OSBPL10: variants seen among roughly 807,000 people sequenced by gnomAD.
The protein encoded by OSBPL10 is oxysterol binding protein like 10.
In OSBPL10, 49 loss-of-function variants were observed where a neutral mutation model predicts 81.7. That is an observed-to-expected ratio of 0.60 (90% confidence interval 0.48 to 0.76). The LOEUF (loss-of-function observed/expected upper bound fraction) is 0.76, where lower values mean the gene tolerates loss of function less well. OSBPL10 is among the 30% of genes least tolerant of loss of function. The pLI is 0.00. For missense variants in OSBPL10, 923 were observed against 987.8 expected (o/e 0.93, Z 0.88); for synonymous variants, 419 against 383.6 (o/e 1.09, Z -1.08).
intron 5 of OSBPL10, 108 bp downstream of exon 5, chr3:31,747,802 G>A (rs1445539338): frequency 2.6e-6 from 3 of 1,164,314 alleles, no homozygotes; most frequent in African/African-American, 1.5e-5. Context: ...TATAAGGATA[G>A]ATGGATGGAT....
Position 32,005,511 on chromosome 3 carries a change from G to A in OSBPL10, n.298+40980C>T, listed in dbSNP as rs372171611. 5.4e-4 allele frequency among the ~76,000 whole-genome samples: 82 copies of A among 152,234 alleles called. 4 individuals are homozygous for A. Among genetic ancestry groups the A allele is most frequent in the Admixed American group, 3.7e-3 (57 of 15,292 alleles). On this transcript the variant is annotated intron_variant and non_coding_transcript_variant, in intron 2 of 3. Coordinates refer to the OSBPL10 transcript ENST00000479173. ...AAATAAGTCATGGGGCATATGTGACGTCCATAAGTATTGGCATACTGCTCT... is the reference window on the plus strand; with the variant it reads ...AAATAAGTCATGGGGCATATGTGACATCCATAAGTATTGGCATACTGCTCT...
At chr3:31,819,420 T>C (rs1699928049) in intron 4 of OSBPL10, among the ~76,000 whole-genome samples, 2 of 152,346 alleles carry the variant, frequency 1.3e-5, no homozygotes, top group African/African-American at 4.8e-5. Context: ...AGAGATGTAA[T>C]GTGACTTGCC....
chr3:32,033,891 T>G (rs1244457550), intron 2 of OSBPL10, among the ~76,000 whole-genome samples: 1 of 152,092 alleles, frequency 6.6e-6, no homozygotes, highest in South Asian at 2.1e-4. Context: ...AGCAAGGATA[T>G]TAGTCCATTC....
chr3:31,817,543 C>T (rs1331573665), intron 4 of OSBPL10, among the ~76,000 whole-genome samples: 3 of 106,268 alleles, frequency 2.8e-5, no homozygotes, highest in African/African-American at 6.4e-5. Flanking sequence ...GTGGGTCAGG[C>T]GGCTGCAGCT....
At chr3:31,664,339 C>G (rs1464866868) in intron 10 of OSBPL10, 107 bp from the exon 11 acceptor site, 2 of 1,173,142 alleles carry the variant, frequency 1.7e-6, no homozygotes, top group African/African-American at 1.5e-5. Flanking sequence ...CAGGCAAGCC[C>G]CCTCTGGGGT....
chr3:31,729,882 A>G (rs1696915324), intron 6 of OSBPL10, among the ~76,000 whole-genome samples: 1 of 152,158 alleles, frequency 6.6e-6, no homozygotes, highest in Admixed American at 6.5e-5. Flanking sequence ...CTGCCTCTAA[A>G]CACTCCAACC....
intron 3 of OSBPL10, among the ~76,000 whole-genome samples, chr3:31,851,286 A>G (rs1700757527): frequency 2.0e-5 from 3 of 152,206 alleles, no homozygotes; most frequent in Admixed American, 1.3e-4. Context: ...GAGAAGTCCT[A>G]AGAGAGATGT....
chr3:31,692,510 C>G (rs112069560), intron 7 of OSBPL10, among the ~76,000 whole-genome samples: 1 of 151,914 alleles, frequency 6.6e-6, no homozygotes, highest in Non-Finnish European at 1.5e-5. Flanking sequence ...GCTAAAATGA[C>G]TCACAATGCC....
At chr3:31,769,474 A>T in intron 4 of OSBPL10, among the ~76,000 whole-genome samples, 1 of 142,230 alleles carries the variant, frequency 7.0e-6, no homozygotes, top group Non-Finnish European at 1.5e-5. Context: ...AAAAAACAAA[A>T]AAAAACAGAA....
chr3:31,712,971 T>C (rs1575493581), intron 6 of OSBPL10, among the ~76,000 whole-genome samples: 6 of 152,332 alleles, frequency 3.9e-5, no homozygotes, highest in Admixed American at 3.9e-4. Context: ...CTTCTGCAAA[T>C]TATATCTAGA....
intron 4 of OSBPL10, among the ~76,000 whole-genome samples, chr3:31,828,753 G>A (rs950242001): frequency 6.6e-6 from 1 of 152,100 alleles, no homozygotes; most frequent in Admixed American, 6.5e-5. Flanking sequence ...GGCTGCTCTC[G>A]AACTCCTGAC....
chr3:31,859,529 G>A (rs113925781), intron 3 of OSBPL10, among the ~76,000 whole-genome samples: 7,193 of 152,278 alleles, frequency 0.047, 572 homozygotes, highest in African/African-American at 0.16. Flanking sequence ...GCTGCCTCAC[G>A]AAATCCTGGA....
chr3:31,996,616 C>T (rs1422492290), intron 2 of OSBPL10, among the ~76,000 whole-genome samples: 1 of 152,128 alleles, frequency 6.6e-6, no homozygotes, highest in East Asian at 1.9e-4. Context: ...CATCTCTGTA[C>T]TCCCAGTCCT....
chr3:31,714,224 C>A (rs766956786), intron 6 of OSBPL10: 1 of 152,334 alleles, frequency 6.6e-6, no homozygotes, highest in Non-Finnish European at 1.5e-5. Context: ...CTCCTCTACT[C>A]GGTATACACG....
chr3:31,954,722 T>C (rs936770079), intron 1 of OSBPL10, among the ~76,000 whole-genome samples: 3 of 152,204 alleles, frequency 2.0e-5, no homozygotes, highest in African/African-American at 4.8e-5. Context: ...AACTTAGCAA[T>C]GTACACTTAG....
At chr3:31,988,906 G>A (rs531902153) in intron 2 of OSBPL10, 10 of 766,344 alleles carry the variant, frequency 1.3e-5, no homozygotes, top group African/African-American at 1.2e-4. Context: ...GGAACACCCA[G>A]CTGAAGTGCC....
intron 2 of OSBPL10, among the ~76,000 whole-genome samples, chr3:32,013,154 C>T (rs1487872666): frequency 3.3e-5 from 5 of 152,138 alleles, no homozygotes; most frequent in African/African-American, 1.2e-4. Context: ...CTTCTCAGCA[C>T]CACACTGCAC....
At chr3:32,027,500 T>C (rs539294043) in intron 2 of OSBPL10, among the ~76,000 whole-genome samples, 50 of 152,078 alleles carry the variant, frequency 3.3e-4, no homozygotes, top group African/African-American at 1.2e-3. Flanking sequence ...TAGGAGCAAA[T>C]AAGACAAATG....
intron 1 of OSBPL10, among the ~76,000 whole-genome samples, chr3:31,971,400 AG>A (rs1332089604): frequency 1.3e-5 from 2 of 152,114 alleles, no homozygotes; most frequent in Non-Finnish European, 2.9e-5. Context: ...TCGGCCTCCC[AG>A]TGTGCTGGGA....
Sources: allele counts gnomAD v4.1 joint callset (sites outside exome capture counted in the v4.1 genomes callset), GRCh38; gene constraint gnomAD v4.1.1; transcripts MANE v1.5; gene names NCBI Gene and HGNC (gene_info 2026-07-23, HGNC 2026-07-21).